Variants in USP43 observed in about 807,000 individuals in gnomAD.
USP43 encodes the protein ubiquitin specific peptidase 43.
A neutral mutation model predicts 90.7 loss-of-function variants in USP43; 33 were observed. The observed-to-expected ratio is 0.36, with a 90% CI of 0.28 to 0.49. USP43 has a LOEUF of 0.49. Ranked by LOEUF, USP43 falls within the 20% of genes least tolerant of loss-of-function variation. USP43 has a pLI of 0.98. For missense variants in USP43, 1,274 were observed against 1,476.4 expected (o/e 0.86, Z 2.25); for synonymous variants, 598 against 615.8 (o/e 0.97, Z 0.43).
chr17:9,723,560 CCCCT>C (rs1917087988), intron 14 of USP43, among the ~76,000 whole-genome samples: 2 of 103,456 alleles, frequency 1.9e-5, no homozygotes, highest in African/African-American at 3.7e-5. Flanking sequence ...CCCCTCCCCT[CCCCT>C]CCCTCCCTTT....
chr17:9,708,677 G>A (rs571064063), intron 12 of USP43, among the ~76,000 whole-genome samples: 2 of 152,270 alleles, frequency 1.3e-5, no homozygotes, highest in South Asian at 4.1e-4. Flanking sequence ...GCCCGGGTTG[G>A]AGTGCAGTGG....
At chr17:9,651,350 C>G (rs1052099449) in intron 1 of USP43, among the ~76,000 whole-genome samples, 1 of 152,030 alleles carries the variant, frequency 6.6e-6, no homozygotes, top group African/African-American at 2.4e-5. Flanking sequence ...CGCCACCATG[C>G]CTGGCTAATT....
In USP43 at chr17:9,728,929, G is replaced by A; in HGVS notation, c.3311G>A (p.Arg1104Lys). The change falls in exon 15 of 15, where the codon AGA (arginine) becomes AAA (lysine). Residue 1104 changes from arginine to lysine, a missense_variant. Arg to Lys is a conservative substitution (Grantham distance 26, BLOSUM62 2). Transcript: ENST00000285199. This position sits in a 1 kb window ranked among gnomAD's most constrained non-coding sequence, Gnocchi z 6.2. ...GEQASYGTFQ[R>K]VKYHTLSLGR... ...CAGGCTTCTTATGGCACCTTTCAGA[G>A]AGTCAAATATCACACTCTTTCTTTA... 6.2e-7 allele frequency: 1 copy of A among 1,608,458 alleles called. No homozygotes were observed. The highest frequency in any genetic ancestry group is 1.1e-5 in the South Asian group (1 of 90,538).
At chr17:9,692,991 C>T (rs957224667) in intron 8 of USP43, 136 bp from the exon 9 acceptor site, 1 of 731,006 alleles carries the variant, frequency 1.4e-6, no homozygotes, top group African/African-American at 1.8e-5. Flanking sequence ...ATTTTGAATT[C>T]TAATTATTAC....
chr17:9,721,939 T>C lies in USP43; in HGVS notation c.2336-6015T>C, dbSNP rs555982542. ...TATTTTTAGTACAGATAGGGTTTCA[T>C]CATGTTGGCCAAGCTGGTCTCAAAC... is the stretch of plus-strand genomic sequence containing the variant. On this transcript the variant is annotated intron_variant, in intron 14 of 14. Coordinates refer to ENST00000285199, the MANE Select transcript of USP43 (RefSeq NM_153210.5). Among the ~76,000 whole-genome samples the C allele has an allele frequency of 3.5e-4, 52 of 150,668 alleles. 1 individual carries two copies. In the South Asian group the frequency reaches 0.01, roughly 30 times the overall value.
At chr17:9,691,627 T>A (rs1914960357) in intron 8 of USP43, among the ~76,000 whole-genome samples, 1 of 152,166 alleles carries the variant, frequency 6.6e-6, no homozygotes, top group Non-Finnish European at 1.5e-5. Flanking sequence ...TAGTTCAACA[T>A]TTAACCTTTT....
intron 14 of USP43, among the ~76,000 whole-genome samples, chr17:9,725,855 C>T (rs1028732226): frequency 1.3e-5 from 2 of 152,144 alleles, no homozygotes; most frequent in Non-Finnish European, 2.9e-5. Context: ...CCTACTAATA[C>T]AAAGCGTCCC....
In USP43 at chr17:9,667,207, C is replaced by A. The variant is rs115036846; in HGVS notation, c.740+456C>A. ...GAGACCCCATCTGTACCAAAAAAAACCACAAAAAACAAAAACAAAACCTAG... is the reference window on the plus strand; with the variant it reads ...GAGACCCCATCTGTACCAAAAAAAAACACAAAAAACAAAAACAAAACCTAG... On this transcript the variant is annotated intron_variant, in intron 3 of 14. Transcript: ENST00000285199. 6.5e-3 allele frequency among the ~76,000 whole-genome samples: 946 copies of A among 146,610 alleles called. 6 individuals carry two copies. The highest frequency in any genetic ancestry group is 0.024 in the African/African-American group (891 of 37,502).
chr17:9,656,845 G>A (rs190534612), intron 2 of USP43, among the ~76,000 whole-genome samples: 94 of 152,226 alleles, frequency 6.2e-4, no homozygotes, highest in African/African-American at 2.1e-3. Flanking sequence ...GTCATCCAAG[G>A]CCATGAGTAC....
At chr17:9,727,929 C>G in intron 14 of USP43, 25 bp from the exon 15 acceptor site, 1 of 1,579,668 alleles carries the variant, frequency 6.3e-7, no homozygotes, top group Non-Finnish European at 8.6e-7. Context: ...GGCTTGTACA[C>G]TGACAGTCTC....
chr17:9,685,831 A>G (rs1218980142), intron 7 of USP43, among the ~76,000 whole-genome samples: 1 of 152,210 alleles, frequency 6.6e-6, no homozygotes, highest in Non-Finnish European at 1.5e-5. Flanking sequence ...TCAAAATCCT[A>G]TCCTCTAGCT....
Position 9,701,801 on chromosome 17 carries a change from A to G in USP43, c.2011+101A>G. On this transcript the variant is annotated intron_variant, in intron 12 of 14. Transcript: ENST00000285199. The surrounding 1 kb of genome is among the most constrained non-coding windows in gnomAD (Gnocchi z 7.2). The stretch of plus-strand genomic sequence containing the variant: ...AGATGCTGAGCTCCCTGGGGCACTT[A>G]TTGAGATCCGACCCCTCACCCACCG... 1 of 1,066,298 alleles carries G rather than the reference A, an allele frequency of 9.4e-7. No homozygotes were observed. The allele number at this position is 1,066,298 out of a possible 1,614,324, so 66.1% of individuals were successfully genotyped here. A position where few individuals can be genotyped will look rare whatever the true frequency, so the allele number is the denominator to read the frequency against.
At chr17:9,663,398 AGC>A (rs1912780977) in intron 2 of USP43, among the ~76,000 whole-genome samples, 2 of 151,764 alleles carry the variant, frequency 1.3e-5, no homozygotes, top group African/African-American at 4.8e-5. Context: ...CCCAGGTTAA[AGC>A]GATTCTCCTG....
In USP43 at chr17:9,660,349, C is replaced by T. The variant is rs1912557981; in HGVS notation, c.636+3815C>T. Among the ~76,000 whole-genome samples, 4 of 152,244 alleles carry T rather than the reference C, an allele frequency of 2.6e-5. No individual in the cohort carries two copies. In the South Asian group the frequency reaches 8.3e-4, roughly 32 times the overall value. ...TATTTTTAGTAGAGACAGGGTTTCG[C>T]TATGTTGGCCAGGCTGGCCTCGAAC... On this transcript the variant is annotated intron_variant, in intron 2 of 14. Transcript: ENST00000285199.
intron 14 of USP43, among the ~76,000 whole-genome samples, chr17:9,717,889 C>T (rs1047972128): frequency 6.6e-5 from 10 of 151,714 alleles, no homozygotes; most frequent in African/African-American, 9.7e-5. Context: ...CTCCGCCTCC[C>T]GGGTTCAAGC....
intron 14 of USP43, among the ~76,000 whole-genome samples, chr17:9,722,703 G>A (rs1272037943): frequency 6.6e-6 from 1 of 152,104 alleles, no homozygotes; most frequent in South Asian, 2.1e-4. Context: ...AATCAGATGA[G>A]AAATATATAA....
chr17:9,667,170 G>C (rs1913086805), intron 3 of USP43, among the ~76,000 whole-genome samples: 1 of 152,024 alleles, frequency 6.6e-6, no homozygotes, highest in South Asian at 2.1e-4. Context: ...TGTACAGCCT[G>C]GGCAACATAG....
chr17:9,647,383 G>A (rs935780229), intron 1 of USP43: 1 of 152,158 alleles, frequency 6.6e-6, no homozygotes, highest in Non-Finnish European at 1.5e-5. Context: ...TTAAGAAAGA[G>A]GCAGTATAGT....
chr17:9,711,897 G>A, intron 13 of USP43, 71 bp from the exon 14 acceptor site: 3 of 1,442,650 alleles, frequency 2.1e-6, no homozygotes, highest in Non-Finnish European at 2.7e-6. Context: ...GGATCTGGTT[G>A]TGAGATGCTC....
Sources: gnomAD v4.1 joint callset for allele counts (sites outside exome capture counted in the v4.1 genomes callset) on GRCh38, gnomAD v4.1.1 for gene constraint, Gnocchi (gnomAD v3.1) non-coding constraint, MANE v1.5 for transcripts, NCBI Gene and HGNC (gene_info 2026-07-23, HGNC 2026-07-21) for gene names.